The following SLAMF8 variants were observed in gnomAD, a reference collection of about 807,000 sequenced individuals.
The protein encoded by SLAMF8 is B lymphocyte activator macrophage expressed.
SLAMF8 carries 23 observed loss-of-function variants against 29.0 expected under a neutral mutation model. That is an observed-to-expected ratio of 0.79 (90% CI 0.57 to 1.13). The LOEUF (loss-of-function observed/expected upper bound fraction) is 1.13. Ranked by LOEUF, SLAMF8 falls within the 50% of genes most tolerant of loss-of-function variation. The pLI is 0.00. For synonymous variants in SLAMF8, 139 were observed against 145.6 expected, an observed-to-expected ratio of 0.96 and a Z score of 0.32; for missense variants, 381 against 353.1, an observed-to-expected ratio of 1.08 and a Z score of -0.63.
Position 159,835,227 on chromosome 1 carries a change from G to A in SLAMF8, c.825G>A (p.Glu275=). ...KDVHADRVGP[E]TENPLVQDLP ...TCCATGCTGACAGAGTGGGTCCAGAGACAGAGAACCCCCTTGTGCAGGATC... is the reference window on the plus strand; with the variant it reads ...TCCATGCTGACAGAGTGGGTCCAGAAACAGAGAACCCCCTTGTGCAGGATC... The change falls in exon 5 of 5, where the codon GAG becomes GAA. Residue 275 remains glutamate, a synonymous_variant. Coordinates refer to ENST00000289707, the MANE Select transcript of SLAMF8 (RefSeq NM_020125.3). The A allele has an allele frequency of 6.2e-7, 1 of 1,614,090 alleles. No individual in the cohort carries two copies. The highest frequency in any genetic ancestry group is 1.7e-4 in the Middle Eastern group (1 of 6,030).
chr1:159,835,171 A>C lies in SLAMF8; in HGVS notation c.782-13A>C, dbSNP rs755442770. 6.2e-7 allele frequency: 1 copy of C among 1,612,656 alleles called. No individual in the cohort carries two copies. The highest frequency in any genetic ancestry group is 1.7e-5 in the Admixed American group (1 of 59,858). ...CACTGGAGGGGTAACTTTCTTTCTG[A>C]TGTCCTTACCAGGGAAAAAGAAAAA... On this transcript the variant is annotated splice_polypyrimidine_tract_variant and intron_variant, in intron 4 of 4. Coordinates refer to ENST00000289707, the MANE Select transcript of SLAMF8 (RefSeq NM_020125.3).
At chr1:159,832,812 G>A in intron 2 of SLAMF8, 64 bp from the exon 3 acceptor site, 7 of 1,557,996 alleles carry the variant, frequency 4.5e-6, no homozygotes, top group Admixed American at 1.8e-5. Context: ...AGATCCCAGA[G>A]CCAGAGATGT....
chr1:159,832,556 C>T (rs1372180796), intron 2 of SLAMF8, among the ~76,000 whole-genome samples: 1 of 152,180 alleles, frequency 6.6e-6, no homozygotes, highest in Non-Finnish European at 1.5e-5. Context: ...TCTGTGTGCG[C>T]AGATGAATTA....
At chr1:159,829,140 A>G (rs1005977258) in intron 1 of SLAMF8, among the ~76,000 whole-genome samples, 69 of 152,068 alleles carry the variant, frequency 4.5e-4, no homozygotes, top group African/African-American at 1.6e-3. Context: ...AGTTGCCGTC[A>G]CTTCTCCACT....
At chr1:159,829,444 T>C (rs954494350) in intron 1 of SLAMF8, among the ~76,000 whole-genome samples, 27 of 152,190 alleles carry the variant, frequency 1.8e-4, no homozygotes, top group African/African-American at 6.3e-4. Flanking sequence ...TACTGTGCCC[T>C]CTGCCGGTGA....
Position 159,830,132 on chromosome 1 carries a change from G to A in SLAMF8, c.307G>A (p.Val103Met), listed in dbSNP as rs141727892. Residue 103 changes from valine to methionine, a missense_variant, in exon 2 of 5, where the codon GTG becomes ATG. By Grantham distance (21) the Val-to-Met change is conservative. Coordinates refer to ENST00000289707, the MANE Select transcript of SLAMF8 (RefSeq NM_020125.3). ...LESGDSGNFS[V>M]LMVDTRGQPW... Reference sequence around the variant, plus strand: ...GTCTGGAGACAGCGGCAACTTCTCCGTGTTGATGGTGGACACAAGGGGCCA... The same window carrying A: ...GTCTGGAGACAGCGGCAACTTCTCCATGTTGATGGTGGACACAAGGGGCCA... The A allele has an allele frequency of 9.5e-5, 154 of 1,613,758 alleles. No homozygotes were observed. The African/African-American group carries it at 1.5e-3, about 16-fold the overall frequency.
At chr1:159,827,836 C>CTTTT (rs912058942) in intron 1 of SLAMF8, among the ~76,000 whole-genome samples, 31 of 146,060 alleles carry the variant, frequency 2.1e-4, no homozygotes, top group African/African-American at 7.7e-4. Flanking sequence ...AATAATTTGC[C>CTTTT]TTTTTTTTTT....
rs532492337 is a variant in SLAMF8 at position 159,836,443 on chromosome 1, T to G, written c.*1183T>G. The G allele has an allele frequency of 3.0e-6, 3 of 985,444 alleles. No individual in the cohort carries two copies. Among genetic ancestry groups the G allele is most frequent in the South Asian group, 4.7e-5 (1 of 21,294 alleles). The allele number at this position is 985,444 out of a possible 1,614,324, so 61.0% of individuals were successfully genotyped here. A position where few individuals can be genotyped will look rare whatever the true frequency, so the allele number is the denominator to read the frequency against. On this transcript the variant is annotated 3_prime_UTR_variant, in exon 5 of 5. Transcript: ENST00000289707. Reference sequence around the variant, plus strand: ...TATTGATCACTACTGGAAAAACACTTAAGGAGCTAAACTTACCTTCGGGGA... The same window carrying G: ...TATTGATCACTACTGGAAAAACACTGAAGGAGCTAAACTTACCTTCGGGGA...
chr1:159,832,850 A>G lies in SLAMF8; in HGVS notation c.368-26A>G, dbSNP rs573096657. 1.9e-6 allele frequency: 3 copies of G among 1,605,394 alleles called. No individual in the cohort carries two copies. The African/African-American group carries it at 4.0e-5, about 21-fold the overall frequency. On this transcript the variant is annotated intron_variant, in intron 2 of 4. Coordinates refer to ENST00000289707, the MANE Select transcript of SLAMF8 (RefSeq NM_020125.3). Reference sequence around the variant, plus strand: ...GCCCTGCCCAGCATCCCTGAGACCCATACCAGCTGTACTTTTCTTTCCCAG... The same window carrying G: ...GCCCTGCCCAGCATCCCTGAGACCCGTACCAGCTGTACTTTTCTTTCCCAG...
rs1261596075 is a variant in SLAMF8 at position 159,835,818 on chromosome 1, G to A, written c.*558G>A. 12 of 985,442 alleles carry A rather than the reference G, an allele frequency of 1.2e-5. No homozygotes were observed. Among genetic ancestry groups the A allele is most frequent in the Non-Finnish European group, 1.4e-5 (12 of 830,048 alleles). 61.0% of individuals were successfully genotyped at this position (985,442 alleles called of 1,614,324 possible). On this transcript the variant is annotated 3_prime_UTR_variant, in exon 5 of 5. Transcript: ENST00000289707. ...TAGAAATAGGTGAAAGTGAGAGGTG[G>A]GGGACAGGGGTTTCTCTTTCTGGCC...
At chr1:159,828,672 C>T (rs1421798348) in intron 1 of SLAMF8, among the ~76,000 whole-genome samples, 1 of 152,138 alleles carries the variant, frequency 6.6e-6, no homozygotes, top group Non-Finnish European at 1.5e-5. Context: ...GACTCATAAA[C>T]AGGCAATAAG....
At chr1:159,832,447 G>T (rs1179212727) in intron 2 of SLAMF8, among the ~76,000 whole-genome samples, 1 of 152,214 alleles carries the variant, frequency 6.6e-6, no homozygotes, top group Non-Finnish European at 1.5e-5. Flanking sequence ...TCAGAGCCAT[G>T]CCTGGGAAGG....
chr1:159,827,771 G>A (rs1173217641), intron 1 of SLAMF8, among the ~76,000 whole-genome samples: 2 of 151,996 alleles, frequency 1.3e-5, no homozygotes, highest in African/African-American at 2.4e-5. Context: ...CTAAACATGT[G>A]CAGGAAATCA....
rs1288658452 is a variant in SLAMF8, at chr1:159,837,205, T to C, written c.*1945T>C. 4.1e-6 allele frequency: 4 copies of C among 984,622 alleles called. No homozygotes were observed. Among genetic ancestry groups the C allele is most frequent in the Non-Finnish European group, 4.8e-6 (4 of 829,780 alleles). 61.0% of individuals were successfully genotyped at this position (984,622 alleles called of 1,614,324 possible). ...TGTAGCGTGGTGCACCAGGGCCTTGTTGAACAGATCCACACTGCTCTAATA... is the reference window on the plus strand; with the variant it reads ...TGTAGCGTGGTGCACCAGGGCCTTGCTGAACAGATCCACACTGCTCTAATA... On this transcript the variant is annotated 3_prime_UTR_variant, in exon 5 of 5. Transcript: ENST00000289707.
chr1:159,831,452 C>G (rs896924532), intron 2 of SLAMF8, among the ~76,000 whole-genome samples: 5 of 151,940 alleles, frequency 3.3e-5, no homozygotes, highest in Admixed American at 3.3e-4. Flanking sequence ...CAGCACCCCC[C>G]ACCCCCTGCC....
In SLAMF8 at chr1:159,833,085, G is replaced by A. The variant is rs1485239039; in HGVS notation, c.577G>A (p.Gly193Arg). Reference protein sequence around the residue: ...GQVLSISLGPGDRDVAYSCIV... With the variant: ...GQVLSISLGPRDRDVAYSCIV... Reference sequence around the variant, plus strand: ...GGTGCTGAGCATTTCCCTGGGACCAGGAGACAGAGATGTGGCCTATTCCTG... The same window carrying A: ...GGTGCTGAGCATTTCCCTGGGACCAAGAGACAGAGATGTGGCCTATTCCTG... Residue 193 changes from glycine to arginine, a missense_variant, in exon 3 of 5, where the codon GGA (glycine) becomes AGA (arginine). Physicochemically the swap from Gly to Arg is moderately radical, Grantham distance 125. Coordinates refer to ENST00000289707, the MANE Select transcript of SLAMF8 (RefSeq NM_020125.3). 6.2e-7 allele frequency: 1 copy of A among 1,614,222 alleles called. No individual in the cohort carries two copies. The highest frequency in any genetic ancestry group is 2.2e-5 in the East Asian group (1 of 44,894).
intron 2 of SLAMF8, 74 bp from the exon 3 acceptor site, chr1:159,832,802 A>AGATCC: frequency 6.6e-7 from 1 of 1,526,306 alleles, no homozygotes. Flanking sequence ...AACCCTGGGT[A>AGATCC]GATCCCAGAG....
In SLAMF8 at chr1:159,836,472, T is replaced by A. The variant is rs1647947455; in HGVS notation, c.*1212T>A. 1 of 985,350 alleles carries A rather than the reference T, an allele frequency of 1.0e-6. No homozygotes were observed. Among genetic ancestry groups the A allele is most frequent in the South Asian group, 4.7e-5 (1 of 21,296 alleles). The allele number at this position is 985,350 out of a possible 1,614,324, so 61.0% of individuals were successfully genotyped here. A position where few individuals can be genotyped will look rare whatever the true frequency, so the allele number is the denominator to read the frequency against. On this transcript the variant is annotated 3_prime_UTR_variant, in exon 5 of 5. Coordinates refer to ENST00000289707, the MANE Select transcript of SLAMF8 (RefSeq NM_020125.3). ...GAGCTAAACTTACCTTCGGGGATTA[T>A]TAGCTGATAAGGTTCACAGTTTCTC...
At chr1:159,828,126 AC>A (rs1663742007) in intron 1 of SLAMF8, among the ~76,000 whole-genome samples, 1 of 152,264 alleles carries the variant, frequency 6.6e-6, no homozygotes. Context: ...GAGCCACCAC[AC>A]CCAGCCCAAA....
Sources: gnomAD v4.1 joint callset for allele counts (sites outside exome capture counted in the v4.1 genomes callset) on GRCh38, gnomAD v4.1.1 for gene constraint, MANE v1.5 for transcripts, NCBI Gene and HGNC (gene_info 2026-07-23, HGNC 2026-07-21) for gene names.